PHF19: variants seen among roughly 807,000 people sequenced by gnomAD.
PHF19 encodes PHD finger protein 19.
PHF19 carries 21 observed loss-of-function variants against 79.8 expected under a neutral mutation model. The observed-to-expected ratio is 0.26, with a 90% confidence interval of 0.19 to 0.38. The LOEUF (loss-of-function observed/expected upper bound fraction) is 0.38, where lower values mean the gene tolerates loss of function less well. Among genes scored for constraint, PHF19 ranks in the 10% least tolerant of loss-of-function variants. PHF19 has a pLI of 1.00. For missense variants in PHF19, 445 were observed against 744.2 expected, an observed-to-expected ratio of 0.60 and a Z score of 4.68; for synonymous variants, 273 against 296.3, an observed-to-expected ratio of 0.92 and a Z score of 0.81.
Position 120,874,928 on chromosome 9 carries a change from C to G in PHF19, c.-15-172G>C, listed in dbSNP as rs1213141543. Reference sequence around the variant, plus strand: ...AGGGAGACATTATTATTATTCACATCTTACAGATAGGGAAACAGGTGTGGC... The same window carrying G: ...AGGGAGACATTATTATTATTCACATGTTACAGATAGGGAAACAGGTGTGGC... On this transcript the variant is annotated intron_variant, in intron 1 of 14. Transcript: ENST00000373896. The surrounding 1 kb of genome is among the most constrained non-coding windows in gnomAD (Gnocchi z 4.5). Among the ~76,000 whole-genome samples the G allele has an allele frequency of 6.6e-6, 1 of 152,166 alleles. No homozygotes were observed. The highest frequency in any genetic ancestry group is 2.4e-5 in the African/African-American group (1 of 41,442).
intron 1 of PHF19, among the ~76,000 whole-genome samples, chr9:120,883,560 C>G (rs2046219551): frequency 6.6e-6 from 1 of 151,980 alleles, no homozygotes. Flanking sequence ...GGAGTTCGAG[C>G]CCAGCCTGGG....
At chr9:120,899,259 G>A (rs150613264), upstream of PHF19, among the ~76,000 whole-genome samples, 14 of 151,236 alleles carry the variant, frequency 9.3e-5, no homozygotes, top group African/African-American at 3.4e-4. Flanking sequence ...AGCACTTTGG[G>A]AAGCTGAGGC....
upstream of PHF19, among the ~76,000 whole-genome samples, chr9:120,881,038 G>T (rs1407451833): frequency 2.6e-5 from 4 of 151,944 alleles, no homozygotes; most frequent in Non-Finnish European, 5.9e-5. Flanking sequence ...CAGTCAGCTA[G>T]TAAAAGTATT....
intron 1 of PHF19, 91 bp downstream of exon 1, chr9:120,877,000 C>G: frequency 1.0e-6 from 1 of 985,432 alleles, no homozygotes; most frequent in Non-Finnish European, 1.2e-6. Context: ...GCGTTCGGGC[C>G]GCCAAAGTTC....
At chr9:120,903,830 G>C in the PHF19 span, 1 of 152,252 alleles carries the variant, frequency 6.6e-6, no homozygotes, top group African/African-American at 2.4e-5. Flanking sequence ...GGGGCTAAGA[G>C]GGGATGTTCC....
intron 3 of PHF19, among the ~76,000 whole-genome samples, chr9:120,873,018 T>C (rs2131554918): frequency 6.6e-6 from 1 of 152,328 alleles, no homozygotes; most frequent in East Asian, 1.9e-4. Context: ...AACCACCCTA[T>C]GAAGCCAGTA....
Position 120,856,273 on chromosome 9 carries a change from G to A in PHF19, c.*1671C>T, listed in dbSNP as rs1226281552. 1 of 139,450 alleles carries A rather than the reference G, an allele frequency of 7.2e-6. No homozygotes were observed. The highest frequency in any genetic ancestry group is 1.5e-5 in the Non-Finnish European group (1 of 66,646). The allele number at this position is 139,450 out of a possible 1,614,324, so 8.6% of individuals were successfully genotyped here. The stretch of plus-strand genomic sequence containing the variant: ...CTTAAAAGGCACTGTGGGAGCTGAG[G>A]TCTAAGATGGGGGGGCATCTAAACT... On this transcript the variant is annotated 3_prime_UTR_variant, in exon 15 of 15. Transcript: ENST00000373896.
intron 14 of PHF19, among the ~76,000 whole-genome samples, chr9:120,859,279 G>A (rs901217545): frequency 6.0e-5 from 7 of 117,462 alleles, no homozygotes; most frequent in African/African-American, 1.5e-4. Flanking sequence ...CTGTCACCCA[G>A]CTAATTTTTT....
At chr9:120,889,066 T>TG (rs1352122933) in intron 1 of PHF19, among the ~76,000 whole-genome samples, 2 of 151,860 alleles carry the variant, frequency 1.3e-5, no homozygotes, top group Non-Finnish European at 2.9e-5. Context: ...AATTTTAAGG[T>TG]GGGGGTGGAT....
At chr9:120,888,557 C>T (rs764979685) in intron 1 of PHF19, among the ~76,000 whole-genome samples, 2 of 152,184 alleles carry the variant, frequency 1.3e-5, no homozygotes, top group Non-Finnish European at 2.9e-5. Flanking sequence ...TGGTCAGTGT[C>T]CACAGCACCA....
At position 120,870,786 on chromosome 9, in the gene PHF19, T is replaced by A. The variant is rs2045873237; in HGVS notation, c.269-248A>T. ...GTAGGTGAGGGGGGGATTAAACCCA[T>A]GGCTGTTTGACATCAAACCCTTTGT... is the stretch of plus-strand genomic sequence containing the variant. On this transcript the variant is annotated intron_variant, in intron 3 of 14. Transcript: ENST00000373896. This position sits in a 1 kb window ranked among gnomAD's most constrained non-coding sequence, Gnocchi z 4.4. Among the ~76,000 whole-genome samples the A allele has an allele frequency of 6.6e-6, 1 of 152,232 alleles. No homozygotes were observed. Among genetic ancestry groups the A allele is most frequent in the African/African-American group, 2.4e-5 (1 of 41,458 alleles).
chr9:120,861,151 G>A lies in PHF19; in HGVS notation c.1242C>T (p.Ser414=). Residue 414 remains serine, a synonymous_variant, in exon 13 of 15, where the codon AGC becomes AGT. Coordinates refer to ENST00000373896, the MANE Select transcript of PHF19 (RefSeq NM_015651.3). ...IPSSDFTSAW[S]TNHHLASIFD... is the part of the protein sequence containing the mutation. ...ATATGCTAGCCAGGTGGTGGTTGGT[G>A]CTCCAGGCTGAGGTGAAGTCACTCT... 1 of 1,608,132 alleles carries A rather than the reference G, an allele frequency of 6.2e-7. No individual in the cohort carries two copies. The highest frequency in any genetic ancestry group is 8.5e-7 in the Non-Finnish European group (1 of 1,174,494).
intron 3 of PHF19, among the ~76,000 whole-genome samples, chr9:120,872,525 T>C (rs1282065782): frequency 6.6e-6 from 1 of 152,184 alleles, no homozygotes; most frequent in African/African-American, 2.4e-5. Flanking sequence ...TATATAATAC[T>C]ATTTCAGGGG....
chr9:120,863,316 A>G (rs2045592805), intron 10 of PHF19, among the ~76,000 whole-genome samples: 1 of 151,638 alleles, frequency 6.6e-6, no homozygotes, highest in South Asian at 2.1e-4. Context: ...GAGAGTGGAT[A>G]ATTCTACCCA....
At chr9:120,865,923 C>T in intron 8 of PHF19, 93 bp from the exon 9 acceptor site, 1 of 1,595,712 alleles carries the variant, frequency 6.3e-7, no homozygotes, top group East Asian at 2.2e-5. Context: ...GAGACAGGGG[C>T]AGGGTTGGGA....
chr9:120,881,601 T>C (rs1366439282), upstream of PHF19, among the ~76,000 whole-genome samples: 1 of 152,206 alleles, frequency 6.6e-6, no homozygotes, highest in Non-Finnish European at 1.5e-5. Flanking sequence ...CTAAAACTTT[T>C]CCATGTTTGA....
upstream of PHF19, among the ~76,000 whole-genome samples, chr9:120,895,473 A>C (rs1416651111): frequency 6.6e-6 from 1 of 151,864 alleles, no homozygotes; most frequent in South Asian, 2.1e-4. Context: ...TCAAAAGAAA[A>C]AAAAAAAAAG....
At position 120,862,038 on chromosome 9, in the gene PHF19, G is replaced by T; in HGVS notation, c.1131-33C>A. ...GACAGAAGAGGGAGAAGGTGGCCCC[G>T]TCAGAGCCTGAGGGCCCTAGGGTGG... On this transcript the variant is annotated intron_variant, in intron 11 of 14. Coordinates refer to ENST00000373896, the MANE Select transcript of PHF19 (RefSeq NM_015651.3). The surrounding 1 kb of genome is among the most constrained non-coding windows in gnomAD (Gnocchi z 4.6). 2 of 1,537,726 alleles carry T rather than the reference G, an allele frequency of 1.3e-6. No individual in the cohort carries two copies. The highest frequency in any genetic ancestry group is 1.8e-6 in the Non-Finnish European group (2 of 1,110,108).
chr9:120,869,951 G>A lies in PHF19; in HGVS notation c.365-6C>T. 1.9e-6 allele frequency: 3 copies of A among 1,567,074 alleles called. No homozygotes were observed. The highest frequency in any genetic ancestry group is 1.7e-6 in the Non-Finnish European group (2 of 1,156,078). ...GTGGCACTGCTGGTGGTAACCTACG[G>A]CAGAGGAGGGGGCGGTGAGCGCCCA... On this transcript the variant is annotated splice_polypyrimidine_tract_variant and splice_region_variant and intron_variant, in intron 4 of 14. Transcript: ENST00000373896. The surrounding 1 kb of genome is among the most constrained non-coding windows in gnomAD (Gnocchi z 5.8).
Sources: allele counts gnomAD v4.1 joint callset (sites outside exome capture counted in the v4.1 genomes callset), GRCh38; gene constraint gnomAD v4.1.1; non-coding constraint Gnocchi (gnomAD v3.1); transcripts MANE v1.5; gene names NCBI Gene and HGNC (gene_info 2026-07-23, HGNC 2026-07-21).